CTDSPL2: variants seen among roughly 807,000 people sequenced by gnomAD.
CTDSPL2 encodes the protein CTD small phosphatase-like protein 2.
In CTDSPL2, 5 loss-of-function variants were observed where a neutral mutation model predicts 60.0. That is an observed-to-expected ratio of 0.08 (90% confidence interval 0.04 to 0.18). The LOEUF (loss-of-function observed/expected upper bound fraction) is 0.18, where lower values mean the gene tolerates loss of function less well. Ranked by LOEUF, CTDSPL2 falls within the 10% of genes least tolerant of loss-of-function variation. The pLI, the probability that CTDSPL2 is intolerant of heterozygous loss-of-function variation, is 1.00. For synonymous variants in CTDSPL2, 186 were observed against 189.3 expected (o/e 0.98, Z 0.14); for missense variants, 370 against 548.8 (o/e 0.67, Z 3.26).
intron 1 of CTDSPL2, among the ~76,000 whole-genome samples, chr15:44,440,967 G>A (rs1012108365): frequency 6.6e-6 from 1 of 152,116 alleles, no homozygotes; most frequent in African/African-American, 2.4e-5. Flanking sequence ...TTGGTAGTTG[G>A]CATGTGGGAA....
At chr15:44,467,904 A>G (rs563929237) in intron 2 of CTDSPL2, among the ~76,000 whole-genome samples, 1 of 152,280 alleles carries the variant, frequency 6.6e-6, no homozygotes, top group African/African-American at 2.4e-5. Context: ...AGAGTAGTAC[A>G]TAAATTTTTT....
intron 2 of CTDSPL2, among the ~76,000 whole-genome samples, chr15:44,475,078 A>T (rs893056037): frequency 8.5e-5 from 13 of 152,114 alleles, no homozygotes; most frequent in African/African-American, 3.1e-4. Flanking sequence ...TGGTGCTGGT[A>T]TCAAATAAAT....
chr15:44,479,306 C>T (rs901878505), intron 2 of CTDSPL2, among the ~76,000 whole-genome samples: 25 of 148,088 alleles, frequency 1.7e-4, no homozygotes, highest in African/African-American at 6.3e-4. Context: ...GTAGTATAGT[C>T]TTTATTTCTG....
Position 44,524,762 on chromosome 15 carries a change from T to C in CTDSPL2, c.*588T>C, listed in dbSNP as rs1195776020. On this transcript the variant is annotated 3_prime_UTR_variant, in exon 13 of 13. Transcript: ENST00000260327. ...CAATTTTTAGTTTTTTATTATACATTTGAATGGCCGTTTTCCTGCTTTGTC... is the reference window on the plus strand; with the variant it reads ...CAATTTTTAGTTTTTTATTATACATCTGAATGGCCGTTTTCCTGCTTTGTC... The C allele has an allele frequency of 6.5e-6, 1 of 152,708 alleles. No homozygotes were observed. The highest frequency in any genetic ancestry group is 1.5e-5 in the Non-Finnish European group (1 of 68,078). 9.5% of individuals were successfully genotyped at this position (152,708 alleles called of 1,614,324 possible). A position where few individuals can be genotyped will look rare whatever the true frequency, so the allele number is the denominator to read the frequency against.
At chr15:44,491,452 T>C (rs2081212824) in intron 5 of CTDSPL2, among the ~76,000 whole-genome samples, 1 of 152,196 alleles carries the variant, frequency 6.6e-6, no homozygotes, top group Admixed American at 6.5e-5. Context: ...GTTTGCAGCC[T>C]GACTTGGAAC....
At position 44,524,212 on chromosome 15, in the gene CTDSPL2, T is replaced by C. The variant is rs1251322418; in HGVS notation, c.*38T>C. 2 of 1,542,660 alleles carry C rather than the reference T, an allele frequency of 1.3e-6. No homozygotes were observed. Among genetic ancestry groups the C allele is most frequent in the East Asian group, 2.2e-5 (1 of 44,556 alleles). On this transcript the variant is annotated 3_prime_UTR_variant, in exon 13 of 13. Transcript: ENST00000260327. Reference sequence around the variant, plus strand: ...GTCAAATCACTGAAGGGGGAGAGAATGCAGGACCCTTTTGGACTAAGACAA... The same window carrying C: ...GTCAAATCACTGAAGGGGGAGAGAACGCAGGACCCTTTTGGACTAAGACAA...
intron 1 of CTDSPL2, among the ~76,000 whole-genome samples, chr15:44,441,474 A>G (rs759714937): frequency 6.6e-6 from 1 of 152,162 alleles, no homozygotes; most frequent in African/African-American, 2.4e-5. Flanking sequence ...AATGGTTTCA[A>G]TTGCCCTTGT....
chr15:44,511,889 A>AAAAG (rs1264010408), intron 8 of CTDSPL2, among the ~76,000 whole-genome samples: 2 of 151,334 alleles, frequency 1.3e-5, no homozygotes, highest in Admixed American at 6.6e-5. Flanking sequence ...AAAAAAAAAA[A>AAAAG]AAAGAAAATC....
intron 1 of CTDSPL2, among the ~76,000 whole-genome samples, chr15:44,440,531 A>G (rs2080063943): frequency 6.6e-6 from 1 of 152,136 alleles, no homozygotes; most frequent in South Asian, 2.1e-4. Flanking sequence ...CCTTAAAAGT[A>G]TATAGGATCT....
In CTDSPL2 at chr15:44,457,543, A is replaced by G. The variant is rs948102927; in HGVS notation, c.-24-1448A>G. ...TACCAAAACTCTCCATGTCAGCAAG[A>G]AGGCTGCTTTGCTTTGTTAGCCTTT... On this transcript the variant is annotated intron_variant, in intron 1 of 12. Transcript: ENST00000260327. Among the ~76,000 whole-genome samples the G allele has an allele frequency of 1.3e-4, 19 of 151,234 alleles. 1 individual carries two copies. The highest frequency in any genetic ancestry group is 4.4e-4 in the African/African-American group (18 of 41,214).
intron 1 of CTDSPL2, among the ~76,000 whole-genome samples, chr15:44,430,647 A>G (rs1341034775): frequency 6.6e-6 from 1 of 152,198 alleles, no homozygotes; most frequent in Non-Finnish European, 1.5e-5. Flanking sequence ...GCAATATCTA[A>G]TTGTAACTTA....
At position 44,528,419 on chromosome 15, in the gene CTDSPL2, A is replaced by G. The variant is rs2140881472; in HGVS notation, c.*4245A>G. 1 of 150,338 alleles carries G rather than the reference A, an allele frequency of 6.7e-6. No individual in the cohort carries two copies. The highest frequency in any genetic ancestry group is 1.9e-4 in the East Asian group (1 of 5,148). The allele number at this position is 150,338 out of a possible 1,614,324, so 9.3% of individuals were successfully genotyped here. On this transcript the variant is annotated 3_prime_UTR_variant, in exon 13 of 13. Transcript: ENST00000260327. ...TCTCCTGGTGATTCTAATAGCCAGT[A>G]TTGGGTAATCAATGTTTTAGCTAAA...
intron 5 of CTDSPL2, 29 bp from the exon 6 acceptor site, chr15:44,496,351 A>C: frequency 6.6e-7 from 1 of 1,510,138 alleles, no homozygotes; most frequent in Non-Finnish European, 9.2e-7. Flanking sequence ...AAGTAAAAGC[A>C]ACATTTTTTC....
chr15:44,444,588 T>C lies in CTDSPL2; in HGVS notation c.-24-14403T>C, dbSNP rs148131664. Among the ~76,000 whole-genome samples the C allele has an allele frequency of 2.3e-4, 35 of 152,014 alleles. No homozygotes were observed. The East Asian group carries it at 6.4e-3, about 28-fold the overall frequency. On this transcript the variant is annotated intron_variant, in intron 1 of 12. Transcript: ENST00000260327. Reference sequence around the variant, plus strand: ...CTTGAACTCCTGAGCTCAGGCGATCTACCCTCCTTGGCCTCCCAAAGTACT... The same window carrying C: ...CTTGAACTCCTGAGCTCAGGCGATCCACCCTCCTTGGCCTCCCAAAGTACT...
At chr15:44,451,540 C>G (rs2080334731) in intron 1 of CTDSPL2, among the ~76,000 whole-genome samples, 1 of 152,186 alleles carries the variant, frequency 6.6e-6, no homozygotes, top group African/African-American at 2.4e-5. Context: ...ACATATATCT[C>G]TCACTGGATT....
chr15:44,456,655 C>T (rs532646536), intron 1 of CTDSPL2, among the ~76,000 whole-genome samples: 6 of 152,010 alleles, frequency 3.9e-5, no homozygotes, highest in African/African-American at 7.2e-5. Context: ...GTCTTGCTAG[C>T]GTCCTGTCAA....
chr15:44,497,342 CTT>C (rs1197738637), intron 7 of CTDSPL2, among the ~76,000 whole-genome samples: 1 of 152,104 alleles, frequency 6.6e-6, no homozygotes, highest in African/African-American at 2.4e-5. Flanking sequence ...TACCAATACA[CTT>C]TTTATTAATA....
chr15:44,509,439 T>C (rs2081528730), intron 8 of CTDSPL2, among the ~76,000 whole-genome samples: 1 of 152,136 alleles, frequency 6.6e-6, no homozygotes, highest in Non-Finnish European at 1.5e-5. Flanking sequence ...ACTCCTGACT[T>C]CAGGTGATCC....
At chr15:44,494,777 G>A (rs569317604) in intron 5 of CTDSPL2, among the ~76,000 whole-genome samples, 16 of 151,862 alleles carry the variant, frequency 1.1e-4, no homozygotes, top group Non-Finnish European at 1.8e-4. Context: ...TTAGCCGGGC[G>A]TGGTAGCAGG....
Sources: gnomAD v4.1 joint callset for allele counts (sites outside exome capture counted in the v4.1 genomes callset) on GRCh38, gnomAD v4.1.1 for gene constraint, MANE v1.5 for transcripts, NCBI Gene and HGNC (gene_info 2026-07-23, HGNC 2026-07-21) for gene names.